Variants in ATP5F1E observed in about 807,000 individuals in gnomAD.
The protein encoded by ATP5F1E is ATP synthase F(1) complex subunit epsilon, mitochondrial.
Under a neutral mutation model 7.0 loss-of-function variants are expected in ATP5F1E, and 5 were observed. The ratio of observed to expected loss-of-function variants is 0.71; its 90% CI spans 0.37 to 1.49. ATP5F1E has a LOEUF of 1.49. Among genes scored for constraint, ATP5F1E ranks in the 40% most tolerant of loss-of-function variants. The pLI is 0.03. For synonymous variants in ATP5F1E, 20 were observed against 20.1 expected (o/e 0.99, Z 0.02); for missense variants, 59 against 57.1 (o/e 1.03, Z -0.11).
At position 59,025,877 on chromosome 20, in the gene ATP5F1E, C is replaced by G. The variant is rs780122967; in HGVS notation, c.*2968G>C. 1.2e-4 allele frequency: 18 copies of G among 152,218 alleles called. No homozygotes were observed. The highest frequency in any genetic ancestry group is 2.5e-4 in the Non-Finnish European group (17 of 68,036). 9.4% of individuals were successfully genotyped at this position (152,218 alleles called of 1,614,324 possible). A position where few individuals can be genotyped will look rare whatever the true frequency, so the allele number is the denominator to read the frequency against. On this transcript the variant is annotated 3_prime_UTR_variant, in exon 3 of 3. Transcript: ENST00000243997. ...TGATTTTAATCTGCTCACATTATAA[C>G]AGGACCAAATACACAAGAGCGTAAT... is the stretch of plus-strand genomic sequence containing the variant.
At position 59,030,430 on chromosome 20, in the gene ATP5F1E, C is replaced by A. The variant is rs867754708; in HGVS notation, c.33-1G>T. ...ACAGATCTGGGAGTATCGGATGTAG[C>A]TGGGAGAAAATGAGAGAAGGTATAT... On this transcript the variant is annotated splice_acceptor_variant, in intron 1 of 2. Transcript: ENST00000243997. LOFTEE classifies it high-confidence loss of function. 1 of 1,613,492 alleles carries A rather than the reference C, an allele frequency of 6.2e-7. No individual in the cohort carries two copies. The highest frequency in any genetic ancestry group is 8.5e-7 in the Non-Finnish European group (1 of 1,179,738).
rs2092037848 is a variant in ATP5F1E at position 59,032,287 on chromosome 20, C to T, written c.-36G>A. 1 of 1,592,678 alleles carries T rather than the reference C, an allele frequency of 6.3e-7. No individual in the cohort carries two copies. The highest frequency in any genetic ancestry group is 8.5e-7 in the Non-Finnish European group (1 of 1,169,934). On this transcript the variant is annotated 5_prime_UTR_variant, in exon 1 of 3. Coordinates refer to ENST00000243997, the MANE Select transcript of ATP5F1E (RefSeq NM_006886.4). ...AAGCGGAGCTCGTCGGGCCGAATCG[C>T]CAAGACGCCGGCAATGTCGGCTCAG... is the stretch of plus-strand genomic sequence containing the variant.
At position 59,028,756 on chromosome 20, in the gene ATP5F1E, T is replaced by C. The variant is rs1393474481; in HGVS notation, c.*89A>G. ...CAAGACAGGATTTTTTTTTTTCCCA[T>C]GGAATGAGATCCTTTTCAATCTGCC... is the stretch of plus-strand genomic sequence containing the variant. On this transcript the variant is annotated 3_prime_UTR_variant, in exon 3 of 3. Coordinates refer to ENST00000243997, the MANE Select transcript of ATP5F1E (RefSeq NM_006886.4). 6.0e-6 allele frequency: 1 copy of C among 167,214 alleles called. No homozygotes were observed. Among genetic ancestry groups the C allele is most frequent in the Non-Finnish European group, 1.5e-5 (1 of 68,264 alleles). 10.4% of individuals were successfully genotyped at this position (167,214 alleles called of 1,614,324 possible).
chr20:59,028,698 T>C lies in ATP5F1E; in HGVS notation c.*147A>G, dbSNP rs1478277853. ...TAAAATCAAGAGTAACAGTGAACCATATTTCAATTTATTGACATTGTCAAT... is the reference window on the plus strand; with the variant it reads ...TAAAATCAAGAGTAACAGTGAACCACATTTCAATTTATTGACATTGTCAAT... On this transcript the variant is annotated 3_prime_UTR_variant, in exon 3 of 3. Coordinates refer to ENST00000243997, the MANE Select transcript of ATP5F1E (RefSeq NM_006886.4). The C allele has an allele frequency of 6.0e-6, 1 of 167,204 alleles. No homozygotes were observed. Among genetic ancestry groups the C allele is most frequent in the Non-Finnish European group, 1.5e-5 (1 of 68,226 alleles). The allele number at this position is 167,204 out of a possible 1,614,324, so 10.4% of individuals were successfully genotyped here.
At position 59,028,304 on chromosome 20, in the gene ATP5F1E, C is replaced by G. The variant is rs937607301; in HGVS notation, c.*541G>C. 1 of 152,166 alleles carries G rather than the reference C, an allele frequency of 6.6e-6. No homozygotes were observed. The highest frequency in any genetic ancestry group is 6.5e-5 in the Admixed American group (1 of 15,278). The allele number at this position is 152,166 out of a possible 1,614,324, so 9.4% of individuals were successfully genotyped here. A position where few individuals can be genotyped will look rare whatever the true frequency, so the allele number is the denominator to read the frequency against. Reference sequence around the variant, plus strand: ...AACACTTTGTGCTTAAATTCTGTAACCGTTCTTATCTATAGGCTTTAAGTG... The same window carrying G: ...AACACTTTGTGCTTAAATTCTGTAAGCGTTCTTATCTATAGGCTTTAAGTG... On this transcript the variant is annotated 3_prime_UTR_variant, in exon 3 of 3. Transcript: ENST00000243997.
Position 59,027,391 on chromosome 20 carries a change from A to G in ATP5F1E, c.*1454T>C, listed in dbSNP as rs1408103639. 1 of 152,020 alleles carries G rather than the reference A, an allele frequency of 6.6e-6. No homozygotes were observed. The highest frequency in any genetic ancestry group is 1.5e-5 in the Non-Finnish European group (1 of 68,006). The allele number at this position is 152,020 out of a possible 1,614,324, so 9.4% of individuals were successfully genotyped here. A position where few individuals can be genotyped will look rare whatever the true frequency, so the allele number is the denominator to read the frequency against. ...TCCTTAACATACCATCTATATACCAATAATCTACCAATATACTAGCAATCT... is the reference window on the plus strand; with the variant it reads ...TCCTTAACATACCATCTATATACCAGTAATCTACCAATATACTAGCAATCT... On this transcript the variant is annotated 3_prime_UTR_variant, in exon 3 of 3. Coordinates refer to ENST00000243997, the MANE Select transcript of ATP5F1E (RefSeq NM_006886.4).
In ATP5F1E at chr20:59,027,790, A is replaced by ACC. The variant is rs1346275412; in HGVS notation, c.*1054_*1055insGG. The stretch of plus-strand genomic sequence containing the variant: ...GAGAATTCAGTAAAACCTACAGGTC[A>ACC]AGTGTCGGGACAATAAGTCATTCCC... On this transcript the variant is annotated 3_prime_UTR_variant, in exon 3 of 3. Transcript: ENST00000243997. 1.3e-5 allele frequency: 2 copies of ACC among 152,216 alleles called. No individual in the cohort carries two copies. The allele number at this position is 152,216 out of a possible 1,614,324, so 9.4% of individuals were successfully genotyped here. A position where few individuals can be genotyped will look rare whatever the true frequency, so the allele number is the denominator to read the frequency against.
At chr20:59,030,540 C>G in intron 1 of ATP5F1E, 111 bp from the exon 2 acceptor site, 1 of 1,371,802 alleles carries the variant, frequency 7.3e-7, no homozygotes, top group Non-Finnish European at 1.0e-6. Context: ...TTGGTTGTAC[C>G]TTATTGTAGA....
At chr20:59,029,502 T>G (rs1568692793) in intron 2 of ATP5F1E, 1 of 152,276 alleles carries the variant, frequency 6.6e-6, no homozygotes, top group East Asian at 1.9e-4. Flanking sequence ...TTATCACATT[T>G]CTGTGCTATT....
rs879104042 is a variant in ATP5F1E, at chr20:59,032,306, G to A, written c.-55C>T. On this transcript the variant is annotated 5_prime_UTR_variant, in exon 1 of 3. Coordinates refer to ENST00000243997, the MANE Select transcript of ATP5F1E (RefSeq NM_006886.4). ...GAATCGCCAAGACGCCGGCAATGTC[G>A]GCTCAGCCGGGCGGTTCAGCCGCAG... The A allele has an allele frequency of 1.9e-5, 30 of 1,572,440 alleles. No individual in the cohort carries two copies. The highest frequency in any genetic ancestry group is 2.2e-5 in the Non-Finnish European group (25 of 1,158,486).
intron 2 of ATP5F1E, 58 bp from the exon 3 acceptor site, chr20:59,028,899 T>C (rs1166442835): frequency 6.0e-6 from 1 of 166,386 alleles, no homozygotes; most frequent in Non-Finnish European, 1.5e-5. Context: ...TCTTAAAAAC[T>C]CAACATGAAT....
intron 2 of ATP5F1E, chr20:59,029,960 G>A (rs2092015466): frequency 3.0e-6 from 1 of 330,376 alleles, no homozygotes; most frequent in African/African-American, 2.2e-5. Flanking sequence ...AACTCCAATT[G>A]CAATTATACA....
rs1225561589 is a variant in ATP5F1E at position 59,030,395 on chromosome 20, C to T, written c.67G>A (p.Val23Met). The T allele has an allele frequency of 3.7e-6, 6 of 1,613,954 alleles. No individual in the cohort carries two copies. Among genetic ancestry groups the T allele is most frequent in the South Asian group, 1.1e-5 (1 of 91,086 alleles). Residue 23 changes from valine to methionine, a missense_variant, in exon 2 of 3, where the codon GTG becomes ATG. Physicochemically the swap from Val to Met is conservative, Grantham distance 21. Transcript: ENST00000243997. ...AATTCTGTCTTCAGTGCATCTCTCA[C>T]TGCTTTTGCACAGATCTGGGAGTAT... ...IRYSQICAKAVRDALKTEFKA... is the reference protein window; with the variant it reads ...IRYSQICAKAMRDALKTEFKA...
At chr20:59,030,190 C>G in intron 2 of ATP5F1E, 113 bp downstream of exon 2, 1 of 1,404,552 alleles carries the variant, frequency 7.1e-7, no homozygotes, top group South Asian at 1.2e-5. Context: ...TAACTAACTT[C>G]CAAATACACT....
At chr20:59,030,871 T>C (rs1192798302) in intron 1 of ATP5F1E, among the ~76,000 whole-genome samples, 1 of 152,250 alleles carries the variant, frequency 6.6e-6, no homozygotes, top group African/African-American at 2.4e-5. Context: ...GAAAACTATT[T>C]TGAATTAAAA....
At position 59,030,372 on chromosome 20, in the gene ATP5F1E, TTC is replaced by T; in HGVS notation, c.88_89del (p.Glu30IlefsTer6). 1.2e-6 allele frequency: 2 copies of T among 1,614,020 alleles called. No homozygotes were observed. The highest frequency in any genetic ancestry group is 1.1e-5 in the South Asian group (1 of 91,082). On this transcript the variant is annotated frameshift_variant, in exon 2 of 3. Transcript: ENST00000243997. LOFTEE classifies it high-confidence loss of function. ...AKAVRDALKT[E>X]FKANAEKTSG... ...AAGTCTTCTCAGCATTTGCTTTGAATTCTGTCTTCAGTGCATCTCTCACTGCT... is the reference window on the plus strand; with the variant it reads ...AAGTCTTCTCAGCATTTGCTTTGAATTGTCTTCAGTGCATCTCTCACTGCT...
intron 1 of ATP5F1E, among the ~76,000 whole-genome samples, chr20:59,030,773 A>C (rs1186440972): frequency 6.6e-6 from 1 of 152,242 alleles, no homozygotes; most frequent in Non-Finnish European, 1.5e-5. Flanking sequence ...ATGTTTAGAG[A>C]CTATAACATG....
Position 59,030,437 on chromosome 20 carries a change from A to T in ATP5F1E, c.33-8T>A. On this transcript the variant is annotated splice_polypyrimidine_tract_variant and splice_region_variant and intron_variant, in intron 1 of 2. Coordinates refer to ENST00000243997, the MANE Select transcript of ATP5F1E (RefSeq NM_006886.4). ...TGGGAGTATCGGATGTAGCTGGGAG[A>T]AAATGAGAGAAGGTATATGGTTAAT... The T allele has an allele frequency of 6.2e-7, 1 of 1,613,274 alleles. No individual in the cohort carries two copies. Among genetic ancestry groups the T allele is most frequent in the East Asian group, 2.2e-5 (1 of 44,794 alleles).
Position 59,027,973 on chromosome 20 carries a change from A to G in ATP5F1E, c.*872T>C, listed in dbSNP as rs2092003290. Reference sequence around the variant, plus strand: ...ATTTATTTCTCCAGTCTCCAAAAACAGTTAAAATCAGGCAGTTAACTTTGC... The same window carrying G: ...ATTTATTTCTCCAGTCTCCAAAAACGGTTAAAATCAGGCAGTTAACTTTGC... On this transcript the variant is annotated 3_prime_UTR_variant, in exon 3 of 3. Transcript: ENST00000243997. 1 of 152,252 alleles carries G rather than the reference A, an allele frequency of 6.6e-6. No individual in the cohort carries two copies. The highest frequency in any genetic ancestry group is 2.4e-5 in the African/African-American group (1 of 41,464). 9.4% of individuals were successfully genotyped at this position (152,252 alleles called of 1,614,324 possible).
Sources: allele counts gnomAD v4.1 joint callset (sites outside exome capture counted in the v4.1 genomes callset), GRCh38; gene constraint gnomAD v4.1.1; transcripts MANE v1.5; gene names NCBI Gene and HGNC (gene_info 2026-07-23, HGNC 2026-07-21).